SBF2: variants seen among roughly 807,000 people sequenced by gnomAD.
SBF2 encodes SET binding factor 2.
SBF2 carries 112 observed loss-of-function variants against 225.2 expected under a neutral mutation model. The ratio of observed to expected loss-of-function variants is 0.50; its 90% confidence interval spans 0.43 to 0.58. SBF2 has a LOEUF of 0.58. Ranked by LOEUF, SBF2 falls within the 20% of genes least tolerant of loss-of-function variation. The pLI is 0.00. For missense variants in SBF2, 1,996 were observed against 2,206.2 expected, an observed-to-expected ratio of 0.90 and a Z score of 1.91; for synonymous variants, 763 against 773.3, an observed-to-expected ratio of 0.99 and a Z score of 0.22.
chr11:10,076,422 T>C (rs916435159), intron 2 of SBF2, among the ~76,000 whole-genome samples: 29 of 152,194 alleles, frequency 1.9e-4, no homozygotes, highest in African/African-American at 6.0e-4. Context: ...CAGTCTCTAG[T>C]GGGACAGGAG....
intron 16 of SBF2, among the ~76,000 whole-genome samples, chr11:9,933,517 G>A (rs1339016693): frequency 2.6e-5 from 4 of 152,086 alleles, no homozygotes; most frequent in African/African-American, 4.8e-5. Context: ...ACTCAAAACC[G>A]CTCAACTACA....
intron 32 of SBF2, among the ~76,000 whole-genome samples, chr11:9,805,937 T>C (rs1333794721): frequency 2.0e-5 from 3 of 152,192 alleles, no homozygotes; most frequent in African/African-American, 7.2e-5. Flanking sequence ...TTCTAGATGG[T>C]CTTGATGAAG....
intron 1 of SBF2, among the ~76,000 whole-genome samples, chr11:10,197,352 C>A (rs892039732): frequency 6.6e-6 from 1 of 152,170 alleles, no homozygotes; most frequent in African/African-American, 2.4e-5. Context: ...TAATGTGAGT[C>A]ACACAAATTT....
chr11:10,141,255 T>C (rs760207810), intron 2 of SBF2, among the ~76,000 whole-genome samples: 12 of 152,170 alleles, frequency 7.9e-5, no homozygotes, highest in Non-Finnish European at 1.5e-4. Flanking sequence ...TTATTAGAAG[T>C]CACTATGTAC....
In SBF2 at chr11:9,974,976, A is replaced by G. The variant is rs867421338; in HGVS notation, c.1396-6431T>C. 1.8e-4 allele frequency among the ~76,000 whole-genome samples: 24 copies of G among 132,158 alleles called. 1 individual carries two copies. In the Middle Eastern group the frequency reaches 0.031, roughly 171 times the overall value. The allele number at this position is 132,158 out of a possible 152,430, so 86.7% of individuals were successfully genotyped here. A position where few individuals can be genotyped will look rare whatever the true frequency, so the allele number is the denominator to read the frequency against. On this transcript the variant is annotated intron_variant, in intron 13 of 39. Transcript: ENST00000256190. ...ACTTTGACTCAAAAAAAAAAAAAAA[A>G]AAAAAAAAAAAAGAAAAAAAGAAAC...
intron 1 of SBF2, among the ~76,000 whole-genome samples, chr11:10,239,852 A>T (rs963863918): frequency 6.6e-6 from 1 of 152,184 alleles, no homozygotes; most frequent in African/African-American, 2.4e-5. Flanking sequence ...AATTTTGATT[A>T]TGTTTTATGT....
intron 2 of SBF2, among the ~76,000 whole-genome samples, chr11:10,184,963 G>C (rs568381577): frequency 6.6e-6 from 1 of 152,266 alleles, no homozygotes. Flanking sequence ...CCTAGTATTT[G>C]TGTTTTTTTG....
intron 17 of SBF2, among the ~76,000 whole-genome samples, chr11:9,881,272 T>G (rs1015389291): frequency 2.6e-5 from 4 of 151,370 alleles, no homozygotes; most frequent in Admixed American, 2.0e-4. Flanking sequence ...AAGGATAAAT[T>G]ATAACCATGA....
intron 16 of SBF2, among the ~76,000 whole-genome samples, chr11:9,901,802 G>A (rs1011569231): frequency 2.0e-5 from 3 of 152,040 alleles, no homozygotes; most frequent in African/African-American, 7.2e-5. Flanking sequence ...GTGCTACCAC[G>A]CCCAGGTAAT....
chr11:10,008,129 C>T (rs1948280669), intron 6 of SBF2, among the ~76,000 whole-genome samples: 1 of 152,212 alleles, frequency 6.6e-6, no homozygotes, highest in Non-Finnish European at 1.5e-5. Flanking sequence ...ATTGGGATTA[C>T]AATACCCAGG....
intron 2 of SBF2, among the ~76,000 whole-genome samples, chr11:10,120,592 T>A (rs1953390310): frequency 6.6e-6 from 1 of 152,156 alleles, no homozygotes; most frequent in Non-Finnish European, 1.5e-5. Context: ...ATCCACATCC[T>A]CAGTAACACT....
At chr11:9,980,672 C>T (rs117518788) in intron 13 of SBF2, among the ~76,000 whole-genome samples, 4,368 of 151,712 alleles carry the variant, frequency 0.029, 87 homozygotes, top group Non-Finnish European at 0.045. Flanking sequence ...CTGCAAGCTC[C>T]GGTTCACGCC....
chr11:9,963,771 A>T lies in SBF2; in HGVS notation c.1710+2T>A. 7.2e-7 allele frequency: 1 copy of T among 1,383,286 alleles called. No homozygotes were observed. The highest frequency in any genetic ancestry group is 1.0e-6 in the Non-Finnish European group (1 of 976,614). The allele number at this position is 1,383,286 out of a possible 1,614,324, so 85.7% of individuals were successfully genotyped here. The stretch of plus-strand genomic sequence containing the variant: ...TACTTGGGAAAGATCACATTTTATT[A>T]CCTTTTCAGTTTCCAAAATTTTATT... On this transcript the variant is annotated splice_donor_variant, in intron 15 of 39. Transcript: ENST00000256190. LOFTEE classifies it high-confidence loss of function.
In SBF2 at chr11:9,993,068, AAAT is replaced by A; in HGVS notation, c.1086_1088del (p.Leu362del). The stretch of plus-strand genomic sequence containing the variant: ...ATCTATATCCTTGGAAGAGTTGTGC[AAAT>A]AATCTAAGGAAAACGGCTCGCACCT... On this transcript the variant is annotated inframe_deletion, in exon 11 of 40. Transcript: ENST00000256190. 6.2e-7 allele frequency: 1 copy of A among 1,612,614 alleles called. No individual in the cohort carries two copies. Among genetic ancestry groups the A allele is most frequent in the Non-Finnish European group, 8.5e-7 (1 of 1,179,726 alleles).
At chr11:10,188,393 G>C (rs1408796772) in intron 2 of SBF2, among the ~76,000 whole-genome samples, 3 of 152,184 alleles carry the variant, frequency 2.0e-5, no homozygotes, top group Non-Finnish European at 4.4e-5. Flanking sequence ...CACAGATGTA[G>C]TGGGTCAGGC....
chr11:9,911,149 T>G (rs1436078294), intron 16 of SBF2, among the ~76,000 whole-genome samples: 1 of 151,884 alleles, frequency 6.6e-6, no homozygotes, highest in Non-Finnish European at 1.5e-5. Context: ...AGGTGGATCA[T>G]GAGGTCAGGA....
chr11:10,102,267 C>T (rs1439782181), intron 2 of SBF2, among the ~76,000 whole-genome samples: 1 of 152,190 alleles, frequency 6.6e-6, no homozygotes, highest in Non-Finnish European at 1.5e-5. Flanking sequence ...TAGCCTGGCT[C>T]CCCAGCTATG....
intron 38 of SBF2, among the ~76,000 whole-genome samples, chr11:9,782,814 G>C (rs1852104064): frequency 6.6e-6 from 1 of 151,016 alleles, no homozygotes; most frequent in South Asian, 2.1e-4. Context: ...AGCTTGCAGT[G>C]AGCCGAGATT....
At chr11:10,207,043 A>G (rs1162931377) in intron 1 of SBF2, among the ~76,000 whole-genome samples, 1 of 152,184 alleles carries the variant, frequency 6.6e-6, no homozygotes, top group Non-Finnish European at 1.5e-5. Flanking sequence ...ACACTAAGAT[A>G]CATCATAATT....
Sources: allele counts gnomAD v4.1 joint callset (sites outside exome capture counted in the v4.1 genomes callset), GRCh38; gene constraint gnomAD v4.1.1; transcripts MANE v1.5; gene names NCBI Gene and HGNC (gene_info 2026-07-23, HGNC 2026-07-21).